Variants in HDX observed in about 807,000 individuals in gnomAD.
HDX encodes highly divergent homeobox, also known as chromosome X open reading frame 43.
Under a neutral mutation model 45.2 loss-of-function variants are expected in HDX, and 19 were observed. That is an observed-to-expected ratio of 0.42 (90% CI 0.29 to 0.62). HDX has a LOEUF of 0.62. Among genes scored for constraint, HDX ranks in the 20% least tolerant of loss-of-function variants. HDX has a pLI of 0.20. For missense variants in HDX, 532 were observed against 493.9 expected, an observed-to-expected ratio of 1.08 and a Z score of -0.73; for synonymous variants, 188 against 172.8, an observed-to-expected ratio of 1.09 and a Z score of -0.69.
chrX:84,331,399 C>T (rs1460790748), intron 9 of HDX, among the ~76,000 whole-genome samples: 1 of 111,122 alleles, frequency 9.0e-6, no homozygotes, highest in African/African-American at 3.3e-5. Flanking sequence ...TGATCCAGCT[C>T]CTGATTTTAT....
chrX:84,326,300 T>C lies in HDX; in HGVS notation c.1825A>G (p.Asn609Asp), dbSNP rs758370997. ...TTTTCAATGAATTTGACTTCTTCAT[T>C]CTGAAAGAGAAAATACCAAATGATA... is the stretch of plus-strand genomic sequence containing the variant. ...EQVNSFLDYK[N>D]EEVKFIENEL... The change falls in exon 10 of 11, where the codon AAT becomes GAT. Residue 609 changes from asparagine (N) to aspartate (D), a missense_variant and splice_region_variant. Asn to Asp is a conservative substitution (Grantham distance 23). Coordinates refer to ENST00000373177, the MANE Select transcript of HDX (RefSeq NM_001177479.2). The C allele has an allele frequency of 1.7e-6, 2 of 1,178,962 alleles. No individual in the cohort carries two copies. Among genetic ancestry groups the C allele is most frequent in the Non-Finnish European group, 2.3e-6 (2 of 866,549 alleles).
intron 5 of HDX, among the ~76,000 whole-genome samples, chrX:84,433,719 A>G (rs2039555951): frequency 9.0e-6 from 1 of 111,241 alleles, no homozygotes; most frequent in Non-Finnish European, 1.9e-5. Flanking sequence ...CTATTTCCAT[A>G]AAACATTTCA....
At chrX:84,326,877 C>G (rs141839344) in intron 9 of HDX, among the ~76,000 whole-genome samples, 8,610 of 105,359 alleles carry the variant, frequency 0.082, 394 homozygotes, top group East Asian at 0.25. Flanking sequence ...GATCGCACTG[C>G]TGCACTGCAG....
At chrX:84,407,499 T>C (rs1267149055) in intron 5 of HDX, among the ~76,000 whole-genome samples, 1 of 111,468 alleles carries the variant, frequency 9.0e-6, no homozygotes, top group Admixed American at 9.6e-5. Context: ...TTTGCTATTG[T>C]GAAGAGTGCT....
chrX:84,339,345 A>G (rs1051705287), intron 7 of HDX, among the ~76,000 whole-genome samples: 1 of 111,541 alleles, frequency 9.0e-6, no homozygotes, highest in Non-Finnish European at 1.9e-5. Flanking sequence ...TATTAGCACT[A>G]GTGGCCTCAG....
At chrX:84,435,824 T>C (rs1305852975) in intron 5 of HDX, among the ~76,000 whole-genome samples, 10 of 101,069 alleles carry the variant, frequency 9.9e-5, no homozygotes, top group African/African-American at 3.6e-4. Context: ...TTTTACACTG[T>C]TGGTGGGACT....
Position 84,361,449 on chromosome X carries a change from T to G in HDX, c.1452+17A>C. On this transcript the variant is annotated intron_variant, in intron 6 of 10. Transcript: ENST00000373177. ...CATTCAGCAACTATAGCATGAAAAT[T>G]ATAGAAAATGTCTTACCCGAACTAT... The G allele has an allele frequency of 1.7e-6, 2 of 1,197,002 alleles. No individual in the cohort carries two copies. The highest frequency in any genetic ancestry group is 2.3e-6 in the Non-Finnish European group (2 of 884,960).
chrX:84,481,203 T>C (rs913288089), intron 2 of HDX, among the ~76,000 whole-genome samples: 1 of 111,416 alleles, frequency 9.0e-6, no homozygotes, highest in African/African-American at 3.3e-5. Flanking sequence ...CTTCTTGATA[T>C]TGGTAAATTG....
intron 6 of HDX, among the ~76,000 whole-genome samples, chrX:84,353,192 T>C (rs1276817166): frequency 8.9e-6 from 1 of 112,017 alleles, no homozygotes; most frequent in East Asian, 2.8e-4. Context: ...ATTCAATGTA[T>C]AAATACAATG....
chrX:84,396,009 T>A (rs1209557454), intron 5 of HDX, among the ~76,000 whole-genome samples: 1 of 112,086 alleles, frequency 8.9e-6, no homozygotes, highest in African/African-American at 3.2e-5. Context: ...TGTATCTCCC[T>A]GAGTTTTCAA....
intron 2 of HDX, among the ~76,000 whole-genome samples, chrX:84,478,186 T>C (rs2040597677): frequency 8.9e-6 from 1 of 111,962 alleles, no homozygotes; most frequent in South Asian, 3.7e-4. Context: ...GCTCTTAAGT[T>C]TATATATCAT....
chrX:84,498,096 A>G (rs1204396587), intron 1 of HDX, among the ~76,000 whole-genome samples: 1 of 111,619 alleles, frequency 9.0e-6, no homozygotes, highest in Non-Finnish European at 1.9e-5. Flanking sequence ...GATCAACCCA[A>G]ATGCACATAT....
intron 5 of HDX, among the ~76,000 whole-genome samples, chrX:84,369,594 T>C (rs998689614): frequency 8.9e-6 from 1 of 112,171 alleles, no homozygotes; most frequent in Admixed American, 9.5e-5. Flanking sequence ...TTTCTGAACA[T>C]GTGTGCGTGT....
intron 1 of HDX, among the ~76,000 whole-genome samples, chrX:84,497,500 GA>G (rs2041025879): frequency 9.0e-6 from 1 of 111,340 alleles, no homozygotes; most frequent in Non-Finnish European, 1.9e-5. Flanking sequence ...CAGTAAGAAA[GA>G]ATATGGGTTT....
intron 6 of HDX, among the ~76,000 whole-genome samples, chrX:84,345,477 T>C (rs2037180758): frequency 8.9e-6 from 1 of 111,826 alleles, no homozygotes; most frequent in Non-Finnish European, 1.9e-5. Context: ...CATTCGTTTT[T>C]ATTGCTAAGC....
intron 5 of HDX, among the ~76,000 whole-genome samples, chrX:84,412,062 A>G (rs2039000473): frequency 9.0e-6 from 1 of 111,620 alleles, no homozygotes; most frequent in Non-Finnish European, 1.9e-5. Flanking sequence ...GTGTCATTGA[A>G]CATGAGATGA....
chrX:84,448,106 T>C (rs1317682207), intron 4 of HDX, among the ~76,000 whole-genome samples: 1 of 111,778 alleles, frequency 8.9e-6, no homozygotes, highest in African/African-American at 3.3e-5. Flanking sequence ...GAGCACACTG[T>C]CAGTGCCTGT....
intron 5 of HDX, among the ~76,000 whole-genome samples, chrX:84,411,788 G>T (rs1055859955): frequency 9.0e-6 from 1 of 111,451 alleles, no homozygotes; most frequent in Non-Finnish European, 1.9e-5. Context: ...CTATTATTGT[G>T]TGGTTATCTA....
At chrX:84,376,923 G>T (rs1177152974) in intron 5 of HDX, among the ~76,000 whole-genome samples, 2 of 111,529 alleles carry the variant, frequency 1.8e-5, no homozygotes, top group Non-Finnish European at 3.8e-5. Context: ...GCCAGGGAGT[G>T]GTTACAGCAG....
Sources: allele counts gnomAD v4.1 joint callset (sites outside exome capture counted in the v4.1 genomes callset), GRCh38; gene constraint gnomAD v4.1.1; transcripts MANE v1.5; gene names NCBI Gene and HGNC (gene_info 2026-07-23, HGNC 2026-07-21).